IL17RD: variants seen among roughly 807,000 people sequenced by gnomAD.
IL17RD encodes the protein interleukin-17 receptor D.
IL17RD carries 52 observed loss-of-function variants against 80.5 expected under a neutral mutation model. The ratio of observed to expected loss-of-function variants is 0.65; its 90% CI spans 0.52 to 0.81. The LOEUF (loss-of-function observed/expected upper bound fraction) is 0.81, where lower values mean the gene tolerates loss of function less well. IL17RD is among the 40% of genes least tolerant of loss of function. IL17RD has a pLI of 0.00. For missense variants in IL17RD, 1,024 were observed against 955.1 expected (o/e 1.07, Z -0.95); for synonymous variants, 416 against 391.8 (o/e 1.06, Z -0.73).
chr3:57,123,996 G>C (rs575270251), intron 1 of IL17RD, among the ~76,000 whole-genome samples: 24 of 152,310 alleles, frequency 1.6e-4, no homozygotes, highest in African/African-American at 4.8e-4. Flanking sequence ...AGTGAGCCGA[G>C]ATCGCGCCAT....
At chr3:57,122,740 C>CTGTT (rs1553625050) in intron 1 of IL17RD, among the ~76,000 whole-genome samples, 73 of 117,030 alleles carry the variant, frequency 6.2e-4, no homozygotes, top group African/African-American at 2.3e-3. Flanking sequence ...CCTCAACTGT[C>CTGTT]TTTTTTTTTT....
intron 1 of IL17RD, 65 bp downstream of exon 1, chr3:57,165,096 G>A (rs1415632803): frequency 7.1e-7 from 1 of 1,410,130 alleles, no homozygotes; most frequent in Non-Finnish European, 9.2e-7. Flanking sequence ...CTCCCCGCGA[G>A]CACCTGTGCG....
intron 11 of IL17RD, 151 bp downstream of exon 11, chr3:57,101,028 G>C: frequency 1.7e-6 from 1 of 603,304 alleles, no homozygotes; most frequent in Non-Finnish European, 3.0e-6. Context: ...ACTGAAAAAA[G>C]AGTGCGAGAC....
chr3:57,100,255 G>C (rs2107467112), intron 11 of IL17RD, among the ~76,000 whole-genome samples: 1 of 152,342 alleles, frequency 6.6e-6, no homozygotes, highest in East Asian at 1.9e-4. Flanking sequence ...CATGCAGAGG[G>C]AAACTAGGCT....
At chr3:57,097,221 C>CG (rs1286376605) in intron 12 of IL17RD, among the ~76,000 whole-genome samples, 1 of 150,828 alleles carries the variant, frequency 6.6e-6, no homozygotes, top group East Asian at 2.0e-4. Context: ...ACAATGGGGG[C>CG]GGGGGGTGTG....
intron 1 of IL17RD, among the ~76,000 whole-genome samples, chr3:57,157,989 T>C (rs2060279715): frequency 6.6e-6 from 1 of 152,154 alleles, no homozygotes; most frequent in South Asian, 2.1e-4. Flanking sequence ...TTGAAGGCAA[T>C]AAAGTACTTT....
chr3:57,096,128 C>G lies in IL17RD; in HGVS notation c.*265G>C. 2.2e-6 allele frequency: 1 copy of G among 454,458 alleles called. No homozygotes were observed. Among genetic ancestry groups the G allele is most frequent in the Admixed American group, 3.4e-5 (1 of 29,106 alleles). The allele number at this position is 454,458 out of a possible 1,614,324, so 28.2% of individuals were successfully genotyped here. A position where few individuals can be genotyped will look rare whatever the true frequency, so the allele number is the denominator to read the frequency against. On this transcript the variant is annotated 3_prime_UTR_variant, in exon 13 of 13. Transcript: ENST00000296318. ...CTACCTCCCACAACAGGCTCTGATC[C>G]AAGGACTAACCAAATTTGGCAAGCT...
rs1706557193 is a variant in IL17RD at position 57,091,648 on chromosome 3, G to A, written c.*4745C>T. ...TATCACTGAAATAAAAACACCAGGG[G>A]GATGACTTCACTGTGGTTTTTGAAT... On this transcript the variant is annotated 3_prime_UTR_variant, in exon 13 of 13. Coordinates refer to ENST00000296318, the MANE Select transcript of IL17RD (RefSeq NM_017563.5). 6.6e-6 allele frequency: 1 copy of A among 152,574 alleles called. No homozygotes were observed. The highest frequency in any genetic ancestry group is 1.5e-5 in the Non-Finnish European group (1 of 68,042). The allele number at this position is 152,574 out of a possible 1,614,324, so 9.5% of individuals were successfully genotyped here. A position where few individuals can be genotyped will look rare whatever the true frequency, so the allele number is the denominator to read the frequency against.
intron 1 of IL17RD, among the ~76,000 whole-genome samples, chr3:57,135,919 C>T (rs944797426): frequency 8.5e-5 from 13 of 152,182 alleles, no homozygotes; most frequent in African/African-American, 2.7e-4. Flanking sequence ...AGTATACACA[C>T]GTTGATACGC....
intron 5 of IL17RD, among the ~76,000 whole-genome samples, chr3:57,108,876 G>C: frequency 6.6e-6 from 1 of 151,880 alleles, no homozygotes; most frequent in East Asian, 2.0e-4. Flanking sequence ...CCTCAAACTC[G>C]TGGGCTCAAG....
At chr3:57,155,504 T>G (rs1001568245) in intron 1 of IL17RD, among the ~76,000 whole-genome samples, 11 of 152,190 alleles carry the variant, frequency 7.2e-5, no homozygotes, top group African/African-American at 2.7e-4. Flanking sequence ...ATAACTGTGG[T>G]GTGAATGAAT....
Position 57,097,842 on chromosome 3 carries a change from C to G in IL17RD, c.1861G>C (p.Glu621Gln). Reference protein sequence around the residue: ...GATGPADSQHESQHGGLDQDG... With the variant: ...GATGPADSQHQSQHGGLDQDG... ...TGGTCCAGGCCCCCATGCTGACTCTCGTGCTGGGAGTCGGCTGGTCCGGTT... is the reference window on the plus strand; with the variant it reads ...TGGTCCAGGCCCCCATGCTGACTCTGGTGCTGGGAGTCGGCTGGTCCGGTT... Residue 621 changes from glutamate (E) to glutamine (Q), a missense_variant, in exon 12 of 13, where the codon GAG becomes CAG. Glu to Gln is a conservative substitution (Grantham distance 29). Coordinates refer to ENST00000296318, the MANE Select transcript of IL17RD (RefSeq NM_017563.5). 1 of 1,612,528 alleles carries G rather than the reference C, an allele frequency of 6.2e-7. No homozygotes were observed. The highest frequency in any genetic ancestry group is 8.5e-7 in the Non-Finnish European group (1 of 1,179,254).
intron 1 of IL17RD, among the ~76,000 whole-genome samples, chr3:57,148,598 T>C (rs1354501691): frequency 6.6e-6 from 1 of 152,166 alleles, no homozygotes; most frequent in African/African-American, 2.4e-5. Flanking sequence ...TATAACACAT[T>C]TGGAAAAGTA....
At chr3:57,133,855 C>T (rs533563256) in intron 1 of IL17RD, among the ~76,000 whole-genome samples, 2 of 152,342 alleles carry the variant, frequency 1.3e-5, no homozygotes, top group African/African-American at 2.4e-5. Flanking sequence ...ATGGCACATA[C>T]AACCTTGTCC....
chr3:57,113,437 A>C (rs913923998), intron 3 of IL17RD, among the ~76,000 whole-genome samples: 3 of 152,022 alleles, frequency 2.0e-5, no homozygotes, highest in African/African-American at 7.3e-5. Context: ...GGGTTTCACC[A>C]TGTTGGTCAG....
rs1043771717 is a variant in IL17RD at position 57,164,783 on chromosome 3, G to A, written c.126+378C>T. Reference sequence around the variant, plus strand: ...CCTCTCCAAAGCGCAACCCGGTCCGGGTGGCTCGGGGGATCCCAGCCCGGG... The same window carrying A: ...CCTCTCCAAAGCGCAACCCGGTCCGAGTGGCTCGGGGGATCCCAGCCCGGG... On this transcript the variant is annotated intron_variant, in intron 1 of 12. Coordinates refer to ENST00000296318, the MANE Select transcript of IL17RD (RefSeq NM_017563.5). 32 of 573,526 alleles carry A rather than the reference G, an allele frequency of 5.6e-5. 1 individual carries two copies. In the South Asian group the frequency reaches 1.3e-3, roughly 23 times the overall value. 35.5% of individuals were successfully genotyped at this position (573,526 alleles called of 1,614,324 possible).
intron 9 of IL17RD, 92 bp downstream of exon 9, chr3:57,102,994 ATTTTG>A (rs1706871174): frequency 1.2e-6 from 1 of 836,660 alleles, no homozygotes; most frequent in African/African-American, 1.7e-5. Context: ...GAGGAGCCAA[ATTTTG>A]TTTTGTTTCT....
chr3:57,142,144 G>T (rs368051252), intron 1 of IL17RD, among the ~76,000 whole-genome samples: 18 of 152,290 alleles, frequency 1.2e-4, no homozygotes, highest in East Asian at 5.8e-4. Context: ...GAGGCATAAA[G>T]GGCAAAGCTT....
chr3:57,162,983 G>C (rs115861991), intron 1 of IL17RD, among the ~76,000 whole-genome samples: 3,826 of 152,280 alleles, frequency 0.025, 75 homozygotes, highest in South Asian at 0.045. Flanking sequence ...GGAGGAAAAG[G>C]CATCCTGGGA....
Sources: gnomAD v4.1 joint callset for allele counts (sites outside exome capture counted in the v4.1 genomes callset) on GRCh38, gnomAD v4.1.1 for gene constraint, MANE v1.5 for transcripts, NCBI Gene and HGNC (gene_info 2026-07-23, HGNC 2026-07-21) for gene names.